The following N4BP1 variants were observed in gnomAD, a reference collection of about 807,000 sequenced individuals.
N4BP1 encodes NEDD4 binding protein 1.
A neutral mutation model predicts 70.9 loss-of-function variants in N4BP1; 21 were observed. The ratio of observed to expected loss-of-function variants is 0.30; its 90% CI spans 0.21 to 0.43. The LOEUF (loss-of-function observed/expected upper bound fraction) is 0.43. Among genes scored for constraint, N4BP1 ranks in the 20% least tolerant of loss-of-function variants. N4BP1 has a pLI of 1.00. For missense variants in N4BP1, 936 were observed against 1,069.4 expected (o/e 0.88, Z 1.74); for synonymous variants, 387 against 394.6 (o/e 0.98, Z 0.23).
In N4BP1 at chr16:48,560,958, G is replaced by C. The variant is rs753055285; in HGVS notation, c.1685C>G (p.Ser562Cys). ...PHSKPNCSTL[S>C]PPMPLPQLLP... is the part of the protein sequence containing the mutation. ...CAGCTGGGGCAGTGGCATTGGTGGA[G>C]AAAGGGTTGAGCAATTTGGCTTAGA... The change falls in exon 2 of 7, where the codon TCT (serine) becomes TGT (cysteine). Residue 562 changes from serine (S) to cysteine (C), a missense_variant. Physicochemically the swap from Ser to Cys is moderately radical, Grantham distance 112. Coordinates refer to ENST00000262384, the MANE Select transcript of N4BP1 (RefSeq NM_153029.4). 1 of 1,613,994 alleles carries C rather than the reference G, an allele frequency of 6.2e-7. No homozygotes were observed. Among genetic ancestry groups the C allele is most frequent in the Admixed American group, 1.7e-5 (1 of 60,032 alleles).
At chr16:48,553,897 A>G (rs894055682) in intron 2 of N4BP1, among the ~76,000 whole-genome samples, 3 of 152,184 alleles carry the variant, frequency 2.0e-5, no homozygotes, top group African/African-American at 4.8e-5. Flanking sequence ...TGTTAATCTA[A>G]CTGGGTGTGT....
chr16:48,574,530 AC>A (rs1964065514), intron 1 of N4BP1, among the ~76,000 whole-genome samples: 1 of 152,232 alleles, frequency 6.6e-6, no homozygotes. Context: ...ATACTATACA[AC>A]CAAAATAAAA....
At chr16:48,601,159 T>A (rs994723529) in intron 1 of N4BP1, among the ~76,000 whole-genome samples, 2 of 152,232 alleles carry the variant, frequency 1.3e-5, no homozygotes, top group Admixed American at 1.3e-4. Context: ...GAAGCTTAAT[T>A]ATGCTGGACT....
chr16:48,573,072 G>A (rs543138937), intron 1 of N4BP1, among the ~76,000 whole-genome samples: 1 of 149,318 alleles, frequency 6.7e-6, no homozygotes, highest in South Asian at 2.1e-4. Context: ...ATGTGCCACT[G>A]CACTCTAGCC....
chr16:48,560,969 G>A lies in N4BP1; in HGVS notation c.1674C>T (p.Cys558=). The change falls in exon 2 of 7, where the codon TGC becomes TGT. Residue 558 remains cysteine (C), a synonymous_variant. Coordinates refer to ENST00000262384, the MANE Select transcript of N4BP1 (RefSeq NM_153029.4). ...CCSSPHSKPN[C]STLSPPMPLP... ...GTGGCATTGGTGGAGAAAGGGTTGA[G>A]CAATTTGGCTTAGAATGAGGAGAAC... The A allele has an allele frequency of 6.2e-7, 1 of 1,614,014 alleles. No homozygotes were observed. The highest frequency in any genetic ancestry group is 8.5e-7 in the Non-Finnish European group (1 of 1,179,888).
intron 2 of N4BP1, among the ~76,000 whole-genome samples, chr16:48,555,560 C>T (rs909403464): frequency 2.0e-5 from 3 of 152,264 alleles, no homozygotes; most frequent in Non-Finnish European, 2.9e-5. Context: ...AATAAACACA[C>T]GCAATCTTGA....
In N4BP1 at chr16:48,607,717, C is replaced by T. The variant is rs146998833; in HGVS notation, c.198+2058G>A. Among the ~76,000 whole-genome samples the T allele has an allele frequency of 3.9e-5, 6 of 152,314 alleles. No individual in the cohort carries two copies. In the East Asian group the frequency reaches 1.2e-3, roughly 29 times the overall value. On this transcript the variant is annotated intron_variant, in intron 1 of 6. Coordinates refer to ENST00000262384, the MANE Select transcript of N4BP1 (RefSeq NM_153029.4). ...CTTAATCATGTCAAGCTTTTAAGCC[C>T]TGAGAAGTGCAGAAGATTGGATAGC...
chr16:48,544,754 C>T (rs1371007788), intron 6 of N4BP1, among the ~76,000 whole-genome samples: 2 of 152,096 alleles, frequency 1.3e-5, no homozygotes, highest in Non-Finnish European at 2.9e-5. Context: ...GGTCAGTTCC[C>T]CCAGGCAGTG....
At chr16:48,597,543 C>T (rs904586714) in intron 1 of N4BP1, among the ~76,000 whole-genome samples, 1 of 152,178 alleles carries the variant, frequency 6.6e-6, no homozygotes, top group Non-Finnish European at 1.5e-5. Context: ...TTTCAGATGT[C>T]AAATTCCAGC....
At chr16:48,601,808 T>G (rs1458107001) in intron 1 of N4BP1, among the ~76,000 whole-genome samples, 2 of 152,176 alleles carry the variant, frequency 1.3e-5, no homozygotes, top group Non-Finnish European at 2.9e-5. Flanking sequence ...ACTACTGGAC[T>G]CAAGCAATCT....
At chr16:48,564,344 AAAG>A (rs1384693978) in intron 1 of N4BP1, among the ~76,000 whole-genome samples, 1 of 152,220 alleles carries the variant, frequency 6.6e-6, no homozygotes, top group African/African-American at 2.4e-5. Context: ...GTACATTTTA[AAAG>A]AAGGTGTGAG....
chr16:48,550,856 T>C (rs1963655648), intron 4 of N4BP1, among the ~76,000 whole-genome samples: 1 of 151,934 alleles, frequency 6.6e-6, no homozygotes, highest in South Asian at 2.1e-4. Context: ...AGGCAGAGGT[T>C]GCAGTGAGCT....
chr16:48,545,880 A>T (rs1439960597), intron 6 of N4BP1, among the ~76,000 whole-genome samples: 4 of 151,700 alleles, frequency 2.6e-5, no homozygotes, highest in African/African-American at 7.3e-5. Context: ...ACAAAAAAAG[A>T]GCTGGGCATG....
At chr16:48,607,961 A>C (rs976803594) in intron 1 of N4BP1, among the ~76,000 whole-genome samples, 1 of 152,296 alleles carries the variant, frequency 6.6e-6, no homozygotes. Context: ...TTCCGGGTTC[A>C]AGCGATTATC....
intron 1 of N4BP1, among the ~76,000 whole-genome samples, chr16:48,606,689 T>C (rs563978991): frequency 9.8e-5 from 15 of 152,366 alleles, no homozygotes; most frequent in Admixed American, 3.9e-4. Flanking sequence ...TCTGCAGTCA[T>C]TGGAGGCCCA....
At position 48,539,065 on chromosome 16, in the gene N4BP1, T is replaced by G. The variant is rs957755092; in HGVS notation, c.*3839A>C. On this transcript the variant is annotated 3_prime_UTR_variant, in exon 7 of 7. Transcript: ENST00000262384. ...GTCCATCTGCAGAGCCCACAGGTCA[T>G]GGGAAACATGTGGCTGCAGGGAGAG... The G allele has an allele frequency of 6.6e-6, 1 of 152,228 alleles. No individual in the cohort carries two copies. Among genetic ancestry groups the G allele is most frequent in the Non-Finnish European group, 1.5e-5 (1 of 68,102 alleles). 9.4% of individuals were successfully genotyped at this position (152,228 alleles called of 1,614,324 possible).
At chr16:48,576,421 T>C (rs1397299248) in intron 1 of N4BP1, among the ~76,000 whole-genome samples, 3 of 152,210 alleles carry the variant, frequency 2.0e-5, no homozygotes, top group Non-Finnish European at 4.4e-5. Context: ...TGCATGGTCA[T>C]ACTGAGTGTA....
At chr16:48,558,328 A>G (rs1411614465) in intron 2 of N4BP1, among the ~76,000 whole-genome samples, 1 of 151,254 alleles carries the variant, frequency 6.6e-6, no homozygotes, top group East Asian at 1.9e-4. Context: ...AAAAAAAGAA[A>G]GCTTGCAGCT....
At chr16:48,546,336 G>A in intron 5 of N4BP1, 82 bp from the exon 6 acceptor site, 1 of 905,246 alleles carries the variant, frequency 1.1e-6, no homozygotes, top group Non-Finnish European at 1.7e-6. Context: ...GCAGCCACCT[G>A]ATGCCAAAGC....
Sources: gnomAD v4.1 joint callset for allele counts (sites outside exome capture counted in the v4.1 genomes callset) on GRCh38, gnomAD v4.1.1 for gene constraint, MANE v1.5 for transcripts, NCBI Gene and HGNC (gene_info 2026-07-23, HGNC 2026-07-21) for gene names.